The following IMMP2L variants were observed in gnomAD, a reference collection of about 807,000 sequenced individuals.
The protein encoded by IMMP2L is inner mitochondrial membrane peptidase subunit 2.
IMMP2L carries 18 observed loss-of-function variants against 19.3 expected under a neutral mutation model. The ratio of observed to expected loss-of-function variants is 0.93; its 90% CI spans 0.64 to 1.38. The LOEUF (loss-of-function observed/expected upper bound fraction) is 1.38, where lower values mean the gene tolerates loss of function less well. IMMP2L is among the 40% of genes most tolerant of loss of function. IMMP2L has a pLI of 0.00. For missense variants in IMMP2L, 233 were observed against 218.2 expected (o/e 1.07, Z -0.43); for synonymous variants, 76 against 73.0 (o/e 1.04, Z -0.21).
chr7:110,675,476 T>G (rs888074261), intron 5 of IMMP2L, among the ~76,000 whole-genome samples: 1 of 152,162 alleles, frequency 6.6e-6, no homozygotes, highest in Non-Finnish European at 1.5e-5. Flanking sequence ...GGTTGTCGCA[T>G]CAGAAAACCA....
At chr7:111,514,705 A>C (rs144738903) in intron 2 of IMMP2L, among the ~76,000 whole-genome samples, 4 of 152,208 alleles carry the variant, frequency 2.6e-5, no homozygotes, top group African/African-American at 9.6e-5. Flanking sequence ...GTAATCCATC[A>C]CCTAGAGCCA....
chr7:110,671,715 ACT>A (rs1431983504), intron 5 of IMMP2L, among the ~76,000 whole-genome samples: 3 of 151,464 alleles, frequency 2.0e-5, no homozygotes, highest in African/African-American at 7.2e-5. Flanking sequence ...TCTACCTAAC[ACT>A]CTTTCATTTC....
intron 3 of IMMP2L, among the ~76,000 whole-genome samples, chr7:111,168,416 G>T (rs548211996): frequency 6.6e-6 from 1 of 151,688 alleles, no homozygotes. Flanking sequence ...ATAAACAGGA[G>T]GTTTGGATGT....
At chr7:111,417,441 C>T (rs1835060394) in intron 3 of IMMP2L, among the ~76,000 whole-genome samples, 1 of 151,650 alleles carries the variant, frequency 6.6e-6, no homozygotes, top group Non-Finnish European at 1.5e-5. Flanking sequence ...GGTTCTTGGT[C>T]ATTTCTATGT....
intron 3 of IMMP2L, among the ~76,000 whole-genome samples, chr7:111,451,615 T>G (rs1286777913): frequency 6.9e-6 from 1 of 144,500 alleles, no homozygotes; most frequent in Non-Finnish European, 1.5e-5. Flanking sequence ...TAATGCTAGA[T>G]GACGAGTTAG....
chr7:110,685,126 T>C (rs1281687830), intron 5 of IMMP2L, among the ~76,000 whole-genome samples: 1 of 152,008 alleles, frequency 6.6e-6, no homozygotes, highest in African/African-American at 2.4e-5. Flanking sequence ...TCTCTAATCA[T>C]AAAAAAATCC....
rs910566106 is a variant in IMMP2L, at chr7:110,760,132, T to C, written c.409-96411A>G. 2.0e-5 allele frequency among the ~76,000 whole-genome samples: 3 copies of C among 152,102 alleles called. No homozygotes were observed. The highest frequency in any genetic ancestry group is 2.0e-4 in the Admixed American group (3 of 15,232). ...TATTTTTCTAATTATTATCTACTTA[T>C]CAGCCTTGGGTTGAGAATTCACTTG... On this transcript the variant is annotated intron_variant, in intron 5 of 5. Transcript: ENST00000405709. The surrounding 1 kb of genome is among the most constrained non-coding windows in gnomAD (Gnocchi z 4.2).
intron 3 of IMMP2L, among the ~76,000 whole-genome samples, chr7:111,404,807 A>G (rs117847834): frequency 6.6e-6 from 1 of 152,084 alleles, no homozygotes; most frequent in South Asian, 2.1e-4. Flanking sequence ...AGTGACCTAC[A>G]GTAATGTGAG....
intron 3 of IMMP2L, among the ~76,000 whole-genome samples, chr7:111,104,089 A>T (rs966083974): frequency 3.3e-5 from 5 of 151,712 alleles, no homozygotes; most frequent in African/African-American, 1.2e-4. Context: ...ACAACTCTTC[A>T]TATCTCTGAG....
chr7:111,335,648 AGACTAG>A (rs2130724731), intron 3 of IMMP2L, among the ~76,000 whole-genome samples: 1 of 152,286 alleles, frequency 6.6e-6, no homozygotes, highest in East Asian at 1.9e-4. Flanking sequence ...ATTACTAAAA[AGACTAG>A]GAAATACACA....
chr7:110,999,290 T>C (rs958324319), intron 3 of IMMP2L, among the ~76,000 whole-genome samples: 1 of 150,544 alleles, frequency 6.6e-6, no homozygotes, highest in East Asian at 2.0e-4. Flanking sequence ...ACTATTTTCT[T>C]GTTAATTTGT....
chr7:110,853,908 G>T (rs1806490552), intron 5 of IMMP2L, among the ~76,000 whole-genome samples: 1 of 151,932 alleles, frequency 6.6e-6, no homozygotes. Flanking sequence ...GATAGCCAAA[G>T]AAATGACAGT....
chr7:111,504,714 A>C (rs1844689373), intron 2 of IMMP2L, among the ~76,000 whole-genome samples: 1 of 152,230 alleles, frequency 6.6e-6, no homozygotes, highest in Non-Finnish European at 1.5e-5. Flanking sequence ...AAAAACAAGC[A>C]ATGGGGAAAG....
At chr7:111,309,850 T>C (rs1265387661) in intron 3 of IMMP2L, among the ~76,000 whole-genome samples, 2 of 152,184 alleles carry the variant, frequency 1.3e-5, no homozygotes, top group Non-Finnish European at 2.9e-5. Flanking sequence ...ACTATTCATG[T>C]ATTACTATTT....
At chr7:110,988,852 C>T (rs1192680122) in intron 3 of IMMP2L, among the ~76,000 whole-genome samples, 1 of 151,902 alleles carries the variant, frequency 6.6e-6, no homozygotes, top group East Asian at 1.9e-4. Flanking sequence ...ATATTTAAGA[C>T]ACATAAATAT....
At chr7:111,446,185 C>A (rs1344035698) in intron 3 of IMMP2L, among the ~76,000 whole-genome samples, 1 of 152,222 alleles carries the variant, frequency 6.6e-6, no homozygotes, top group Non-Finnish European at 1.5e-5. Flanking sequence ...CCTGGAAGCT[C>A]AAACTGGGTG....
chr7:110,992,112 T>C (rs1034245261), intron 3 of IMMP2L, among the ~76,000 whole-genome samples: 1 of 152,176 alleles, frequency 6.6e-6, no homozygotes, highest in African/African-American at 2.4e-5. Context: ...TATATGTACA[T>C]TTCTTTACTT....
At chr7:111,440,631 G>C (rs1199369144) in intron 3 of IMMP2L, among the ~76,000 whole-genome samples, 1 of 151,800 alleles carries the variant, frequency 6.6e-6, no homozygotes, top group Non-Finnish European at 1.5e-5. Context: ...TGCTTAAGGG[G>C]CCTAGGATTT....
At chr7:111,253,882 A>G (rs1816414926) in intron 3 of IMMP2L, among the ~76,000 whole-genome samples, 1 of 152,192 alleles carries the variant, frequency 6.6e-6, no homozygotes, top group Non-Finnish European at 1.5e-5. Context: ...GCGTGGCATG[A>G]TCTAACATTT....
Sources: gnomAD v4.1 joint callset for allele counts (sites outside exome capture counted in the v4.1 genomes callset) on GRCh38, gnomAD v4.1.1 for gene constraint, Gnocchi (gnomAD v3.1) non-coding constraint, MANE v1.5 for transcripts, NCBI Gene and HGNC (gene_info 2026-07-23, HGNC 2026-07-21) for gene names.